The following DCAF6 variants were observed in gnomAD, a reference collection of about 807,000 sequenced individuals.
DCAF6 encodes DDB1 and CUL4 associated factor 6, also known as DDB1- and CUL4-associated factor 6.
Under a neutral mutation model 125.1 loss-of-function variants are expected in DCAF6, and 54 were observed. The observed-to-expected ratio is 0.43, with a 90% CI of 0.35 to 0.54. The LOEUF is 0.54. DCAF6 is among the 20% of genes least tolerant of loss of function. The probability of loss-of-function intolerance (pLI) is 0.01; values close to 1 mark genes in which losing one functional copy is unlikely to be tolerated. For missense variants in DCAF6, 934 were observed against 1,161.7 expected (o/e 0.80, Z 2.85); for synonymous variants, 371 against 390.4 (o/e 0.95, Z 0.58).
At chr1:167,870,234 A>C in the DCAF6 span, 1 of 1,613,902 alleles carries the variant, frequency 6.2e-7, no homozygotes, top group Non-Finnish European at 8.5e-7. Context: ...GTTCACACAG[A>C]ACAATCATTC....
chr1:167,969,016 A>G (rs1468307061), intron 3 of DCAF6, among the ~76,000 whole-genome samples: 1 of 152,090 alleles, frequency 6.6e-6, no homozygotes, highest in Admixed American at 6.5e-5. Flanking sequence ...TTATATTATG[A>G]TTACTATAAT....
chr1:167,999,214 G>T (rs535369413), intron 7 of DCAF6, among the ~76,000 whole-genome samples: 5 of 152,260 alleles, frequency 3.3e-5, no homozygotes, highest in South Asian at 4.1e-4. Flanking sequence ...TGAGCAGTAG[G>T]TCTCAATAGT....
At chr1:167,992,423 A>G (rs1680985816) in intron 6 of DCAF6, among the ~76,000 whole-genome samples, 1 of 152,204 alleles carries the variant, frequency 6.6e-6, no homozygotes, top group African/African-American at 2.4e-5. Context: ...TTCTTTTCGG[A>G]ACTGTGATAG....
intron 4 of DCAF6, among the ~76,000 whole-genome samples, chr1:167,976,130 A>G (rs571231426): frequency 6.6e-6 from 1 of 152,022 alleles, no homozygotes. Context: ...TCTACTTTTT[A>G]AAAAAAGTTT....
At chr1:168,050,391 T>C (rs1384269757) in intron 16 of DCAF6, among the ~76,000 whole-genome samples, 1 of 152,120 alleles carries the variant, frequency 6.6e-6, no homozygotes, top group Non-Finnish European at 1.5e-5. Flanking sequence ...TTAAAGAAAA[T>C]TGCAGAGAGA....
intron 4 of DCAF6, among the ~76,000 whole-genome samples, chr1:167,976,018 T>C (rs1678099447): frequency 6.6e-6 from 1 of 152,212 alleles, no homozygotes; most frequent in Non-Finnish European, 1.5e-5. Context: ...TAGATTTTGT[T>C]TTCTTATCCA....
chr1:167,996,357 AT>A (rs1681697057), intron 7 of DCAF6, among the ~76,000 whole-genome samples: 1 of 150,768 alleles, frequency 6.6e-6, no homozygotes, highest in Non-Finnish European at 1.5e-5. Flanking sequence ...TCATTCTTTC[AT>A]TTTCTTCTGG....
chr1:167,971,829 A>C (rs1677354117), intron 3 of DCAF6, among the ~76,000 whole-genome samples: 1 of 152,136 alleles, frequency 6.6e-6, no homozygotes, highest in Admixed American at 6.5e-5. Context: ...AAGAAGATAA[A>C]TCCATCAATA....
intron 1 of DCAF6, among the ~76,000 whole-genome samples, chr1:167,942,138 T>C (rs1329267143): frequency 2.6e-5 from 4 of 152,236 alleles, no homozygotes; most frequent in Non-Finnish European, 5.9e-5. Context: ...TGATCTTGGC[T>C]TACCGCAACC....
At chr1:167,949,366 A>G (rs1272625154) in intron 1 of DCAF6, among the ~76,000 whole-genome samples, 2 of 152,210 alleles carry the variant, frequency 1.3e-5, no homozygotes, top group African/African-American at 4.8e-5. Flanking sequence ...CTTGGAATAT[A>G]TAACAATTCT....
chr1:168,041,710 G>A (rs1270266074), intron 13 of DCAF6, among the ~76,000 whole-genome samples: 1 of 151,550 alleles, frequency 6.6e-6, no homozygotes, highest in South Asian at 2.1e-4. Flanking sequence ...CCACTAATAT[G>A]TCTCTATTCC....
the DCAF6 span, among the ~76,000 whole-genome samples, chr1:167,898,492 C>T: frequency 3.3e-5 from 5 of 151,666 alleles, no homozygotes; most frequent in Non-Finnish European, 5.9e-5. Flanking sequence ...TCCAGCGACT[C>T]GGAAGGTTGA....
the DCAF6 span, among the ~76,000 whole-genome samples, chr1:167,924,855 C>T: frequency 5.9e-5 from 9 of 152,266 alleles, no homozygotes; most frequent in Non-Finnish European, 1.3e-4. Context: ...TAGTTTTACA[C>T]TCAAGTAACA....
intron 8 of DCAF6, among the ~76,000 whole-genome samples, chr1:168,003,136 TC>T (rs1012297475): frequency 3.9e-5 from 6 of 152,102 alleles, no homozygotes; most frequent in Non-Finnish European, 2.9e-5. Context: ...AAAAGCATAT[TC>T]CCCAATATAT....
intron 7 of DCAF6, among the ~76,000 whole-genome samples, chr1:167,999,253 G>A (rs575505856): frequency 1.1e-4 from 16 of 152,254 alleles, no homozygotes; most frequent in African/African-American, 3.6e-4. Flanking sequence ...AAAACATGCT[G>A]TAAAGAGATG....
rs375882321 is a variant in DCAF6 at position 168,038,377 on chromosome 1, A to G, written c.1616A>G (p.Asn539Ser). 20 of 1,606,970 alleles carry G rather than the reference A, an allele frequency of 1.2e-5. No homozygotes were observed. The highest frequency in any genetic ancestry group is 1.7e-4 in the Middle Eastern group (1 of 6,056). Residue 539 changes from asparagine to serine, a missense_variant, in exon 13 of 22, where the codon AAT becomes AGT. Physicochemically the swap from Asn to Ser is conservative, Grantham distance 46. Transcript: ENST00000367840. ...SMSLDEQQDN[N>S]NEKLSPKPGT... ...TTTTAAACACAATTTTCAGATAACAATAATGAAAAGCTGAGCCCCAAACCA... is the reference window on the plus strand; with the variant it reads ...TTTTAAACACAATTTTCAGATAACAGTAATGAAAAGCTGAGCCCCAAACCA...
the DCAF6 span, chr1:167,904,903 C>T: frequency 6.4e-7 from 1 of 1,574,342 alleles, no homozygotes; most frequent in Non-Finnish European, 8.7e-7. Flanking sequence ...TCCAGAATGG[C>T]CTCCCTACTC....
chr1:167,887,722 TA>T, the DCAF6 span, among the ~76,000 whole-genome samples: 2 of 150,378 alleles, frequency 1.3e-5, no homozygotes, highest in Non-Finnish European at 3.0e-5. Flanking sequence ...AATATAAAAA[TA>T]AAAGATTAAA....
chr1:168,049,410 T>TTTGTTGTTG (rs1265956080), intron 16 of DCAF6, among the ~76,000 whole-genome samples: 2 of 140,438 alleles, frequency 1.4e-5, no homozygotes, highest in African/African-American at 5.8e-5. Flanking sequence ...ACTCTGCTAA[T>TTTGTTGTTG]TTGTTGTTGT....
Sources: allele counts gnomAD v4.1 joint callset (sites outside exome capture counted in the v4.1 genomes callset), GRCh38; gene constraint gnomAD v4.1.1; transcripts MANE v1.5; gene names NCBI Gene and HGNC (gene_info 2026-07-23, HGNC 2026-07-21).